LRRC1: variants seen among roughly 807,000 people sequenced by gnomAD.
LRRC1 encodes leucine-rich repeat-containing protein 1.
LRRC1 carries 28 observed loss-of-function variants against 69.9 expected under a neutral mutation model. The ratio of observed to expected loss-of-function variants is 0.40; its 90% CI spans 0.30 to 0.55. The LOEUF (loss-of-function observed/expected upper bound fraction) is 0.55, where lower values mean the gene tolerates loss of function less well. Among genes scored for constraint, LRRC1 ranks in the 20% least tolerant of loss-of-function variants. The probability of loss-of-function intolerance (pLI) is 0.47; values close to 1 mark genes in which losing one functional copy is unlikely to be tolerated. For missense variants in LRRC1, 498 were observed against 609.0 expected, an observed-to-expected ratio of 0.82 and a Z score of 1.92; for synonymous variants, 236 against 240.2, an observed-to-expected ratio of 0.98 and a Z score of 0.16.
chr6:53,842,051 C>T (rs923636621), intron 1 of LRRC1, 59 bp from the exon 2 acceptor site: 13 of 1,078,958 alleles, frequency 1.2e-5, no homozygotes, highest in Non-Finnish European at 1.7e-5. Flanking sequence ...TTCATAGTAG[C>T]CCAAAAGTTT....
Position 53,871,291 on chromosome 6 carries a change from G to A in LRRC1, c.278-7702G>A, listed in dbSNP as rs567471432. Among the ~76,000 whole-genome samples, 9 of 152,150 alleles carry A rather than the reference G, an allele frequency of 5.9e-5. No individual in the cohort carries two copies. In the South Asian group the frequency reaches 1.0e-3, roughly 18 times the overall value. On this transcript the variant is annotated intron_variant, in intron 2 of 13. Transcript: ENST00000370888. Reference sequence around the variant, plus strand: ...GGTTCCTTTTCTCTGCATCCTTGCCGGTATTTGTTGTTTTTTGTCTTTTTG... The same window carrying A: ...GGTTCCTTTTCTCTGCATCCTTGCCAGTATTTGTTGTTTTTTGTCTTTTTG...
At chr6:53,909,181 A>C (rs1768334285) in intron 10 of LRRC1, among the ~76,000 whole-genome samples, 1 of 152,230 alleles carries the variant, frequency 6.6e-6, no homozygotes, top group Admixed American at 6.5e-5. Context: ...GCATGGTGCC[A>C]AGGGCTTTTG....
intron 1 of LRRC1, among the ~76,000 whole-genome samples, chr6:53,814,476 TG>T: frequency 6.6e-6 from 1 of 152,336 alleles, no homozygotes; most frequent in Middle Eastern, 3.4e-3. Flanking sequence ...TTACCTTTGA[TG>T]GTTGAGGCAG....
At chr6:53,899,924 A>G (rs1390728856) in intron 8 of LRRC1, 33 bp downstream of exon 8, 4 of 1,594,480 alleles carry the variant, frequency 2.5e-6, no homozygotes, top group Admixed American at 3.4e-5. Flanking sequence ...TGCTAAACAT[A>G]CTGCCTGCCG....
In LRRC1 at chr6:53,891,641, A is replaced by T. The variant is rs9463995; in HGVS notation, c.447-4857A>T. 1.5e-3 allele frequency among the ~76,000 whole-genome samples: 230 copies of T among 152,220 alleles called. 1 individual carries two copies. Among genetic ancestry groups the T allele is most frequent in the African/African-American group, 5.2e-3 (214 of 41,516 alleles). ...AAACGGTTTGGTAGTGGGAAGCTGG[A>T]TTGATGGGGGAAAAGAAGAAACTCT... On this transcript the variant is annotated intron_variant, in intron 4 of 13. Coordinates refer to ENST00000370888, the MANE Select transcript of LRRC1 (RefSeq NM_018214.5).
At chr6:53,823,045 T>C (rs1366176041) in intron 1 of LRRC1, among the ~76,000 whole-genome samples, 1 of 152,144 alleles carries the variant, frequency 6.6e-6, no homozygotes, top group Non-Finnish European at 1.5e-5. Flanking sequence ...TTTAAGCTAT[T>C]AAGGTTTTCA....
In LRRC1 at chr6:53,899,875, G is replaced by A. The variant is rs3813848; in HGVS notation, c.771G>A (p.Thr257=). 3,658 of 1,613,852 alleles carry A rather than the reference G, an allele frequency of 2.3e-3. 56 individuals are homozygous for A. The East Asian group carries it at 0.034, about 15-fold the overall frequency. ...TCATTTCCCAGAACTTATTAGAAAC[G>A]ATTCCGGATGGCATTGGTAAGCATT... ...DLVISQNLLE[T]IPDGIGKLKK... The change falls in exon 8 of 14, where the codon ACG becomes ACA. Residue 257 remains threonine (T), a synonymous_variant. Coordinates refer to ENST00000370888, the MANE Select transcript of LRRC1 (RefSeq NM_018214.5).
intron 1 of LRRC1, among the ~76,000 whole-genome samples, chr6:53,817,257 C>T (rs1449504433): frequency 6.6e-6 from 1 of 152,078 alleles, no homozygotes; most frequent in Non-Finnish European, 1.5e-5. Context: ...CTATGGGATT[C>T]TGAGCTCCTT....
At chr6:53,914,281 T>C (rs1768500459) in intron 11 of LRRC1, among the ~76,000 whole-genome samples, 1 of 151,890 alleles carries the variant, frequency 6.6e-6, no homozygotes, top group Admixed American at 6.6e-5. Flanking sequence ...GAGACTTGGG[T>C]TGTGACTTAG....
intron 11 of LRRC1, among the ~76,000 whole-genome samples, chr6:53,914,549 C>T (rs1768508730): frequency 6.6e-6 from 1 of 152,184 alleles, no homozygotes; most frequent in South Asian, 2.1e-4. Context: ...ACAGCATCAC[C>T]ATTTCTCAAG....
intron 2 of LRRC1, among the ~76,000 whole-genome samples, chr6:53,867,349 T>C (rs1372077987): frequency 2.0e-5 from 3 of 151,990 alleles, no homozygotes; most frequent in Non-Finnish European, 2.9e-5. Context: ...GAGAAAGAAA[T>C]TGGTCTATGC....
intron 4 of LRRC1, among the ~76,000 whole-genome samples, chr6:53,888,001 A>G (rs895045610): frequency 6.6e-6 from 1 of 152,236 alleles, no homozygotes; most frequent in African/African-American, 2.4e-5. Context: ...TACTATCACT[A>G]AAAACACTTA....
chr6:53,867,940 G>T (rs1436589575), intron 2 of LRRC1, among the ~76,000 whole-genome samples: 1 of 148,354 alleles, frequency 6.7e-6, no homozygotes, highest in African/African-American at 2.5e-5. Flanking sequence ...GCAACAAAAC[G>T]AGACCCTGTC....
At chr6:53,877,166 T>A (rs138396776) in intron 2 of LRRC1, among the ~76,000 whole-genome samples, 1,551 of 152,330 alleles carry the variant, frequency 0.01, 14 homozygotes, top group Middle Eastern at 0.017. Flanking sequence ...GTTTGGGGCT[T>A]CCACCCTCTG....
At chr6:53,896,971 T>A (rs1186070930) in intron 6 of LRRC1, 79 bp downstream of exon 6, 2 of 900,038 alleles carry the variant, frequency 2.2e-6, no homozygotes, top group Non-Finnish European at 3.6e-6. Flanking sequence ...TCTATAGGGA[T>A]CTTTATGAAG....
intron 2 of LRRC1, among the ~76,000 whole-genome samples, chr6:53,852,506 A>G (rs79779594): frequency 0.19 from 28,429 of 152,108 alleles, 2,919 homozygotes; most frequent in Middle Eastern, 0.33. Context: ...TCCACACACT[A>G]ATTCTGTGAG....
intron 1 of LRRC1, among the ~76,000 whole-genome samples, chr6:53,829,612 C>T (rs538704393): frequency 1.3e-5 from 2 of 152,014 alleles, no homozygotes; most frequent in Non-Finnish European, 2.9e-5. Flanking sequence ...GCTAATGATA[C>T]GACATAGTGA....
chr6:53,836,305 G>A (rs1447913368), intron 1 of LRRC1, among the ~76,000 whole-genome samples: 1 of 152,200 alleles, frequency 6.6e-6, no homozygotes, highest in African/African-American at 2.4e-5. Flanking sequence ...ATGTAGTTTT[G>A]AGCCACCAAA....
chr6:53,903,558 CCTTTTCCTTTTCCTTTTCG>C (rs911095132), intron 9 of LRRC1, among the ~76,000 whole-genome samples: 9 of 150,214 alleles, frequency 6.0e-5, no homozygotes, highest in Non-Finnish European at 1.2e-4. Context: ...CTCTCTTTTC[CCTTTTCCTTTTCCTTTTCG>C]CTTTTCCTTT....
Sources: gnomAD v4.1 joint callset for allele counts (sites outside exome capture counted in the v4.1 genomes callset) on GRCh38, gnomAD v4.1.1 for gene constraint, MANE v1.5 for transcripts, NCBI Gene and HGNC (gene_info 2026-07-23, HGNC 2026-07-21) for gene names.